Variants in AKAP7 observed in about 807,000 individuals in gnomAD.
AKAP7 encodes A-kinase anchoring protein 7.
In AKAP7, 39 loss-of-function variants were observed where a neutral mutation model predicts 39.5. The observed-to-expected ratio is 0.99, with a 90% CI of 0.76 to 1.29. The LOEUF (loss-of-function observed/expected upper bound fraction) is 1.29, where lower values mean the gene tolerates loss of function less well. Ranked by LOEUF, AKAP7 falls within the 50% of genes most tolerant of loss-of-function variation. The probability of loss-of-function intolerance (pLI) is 0.00; values close to 1 mark genes in which losing one functional copy is unlikely to be tolerated. For missense variants in AKAP7, 414 were observed against 407.7 expected, an observed-to-expected ratio of 1.02 and a Z score of -0.13; for synonymous variants, 140 against 139.1, an observed-to-expected ratio of 1.01 and a Z score of -0.05.
chr6:131,160,631 G>T (rs1802855097), intron 3 of AKAP7, among the ~76,000 whole-genome samples: 1 of 152,242 alleles, frequency 6.6e-6, no homozygotes, highest in South Asian at 2.1e-4. Flanking sequence ...TTTGGAAGTA[G>T]AGAGAAATGA....
At chr6:131,184,525 GATGC>G in intron 5 of AKAP7, 1 of 702,970 alleles carries the variant, frequency 1.4e-6, no homozygotes, top group Non-Finnish European at 2.6e-6. Context: ...ATTTGTGCTC[GATGC>G]ATTGCCAGCA....
chr6:131,237,123 T>A (rs1447978719), intron 7 of AKAP7, among the ~76,000 whole-genome samples: 2 of 152,212 alleles, frequency 1.3e-5, no homozygotes, highest in Admixed American at 6.5e-5. Flanking sequence ...GAAGGGTTGT[T>A]GAATTTTGTC....
intron 5 of AKAP7, chr6:131,184,984 C>T (rs1247061079): frequency 7.8e-6 from 6 of 766,846 alleles, no homozygotes; most frequent in Middle Eastern, 4.7e-4. Context: ...TCACAGTACT[C>T]ATCATCGAGG....
intron 5 of AKAP7, among the ~76,000 whole-genome samples, chr6:131,191,845 GTTT>G (rs34409067): frequency 7.4e-6 from 1 of 135,372 alleles, no homozygotes; most frequent in African/African-American, 2.7e-5. Context: ...TCCTCGTGGT[GTTT>G]TTTTTTTTTT....
chr6:131,233,059 A>G (rs1429558404), intron 7 of AKAP7, among the ~76,000 whole-genome samples: 2 of 152,076 alleles, frequency 1.3e-5, no homozygotes, highest in Non-Finnish European at 2.9e-5. Flanking sequence ...AATATTTTAT[A>G]TCATAGGTGA....
chr6:131,210,837 A>G (rs2128291094), intron 6 of AKAP7, among the ~76,000 whole-genome samples: 1 of 152,140 alleles, frequency 6.6e-6, no homozygotes, highest in African/African-American at 2.4e-5. Context: ...TACCCATTCC[A>G]TGTTTCACGA....
intron 7 of AKAP7, among the ~76,000 whole-genome samples, chr6:131,269,764 T>G (rs1400741919): frequency 6.6e-6 from 1 of 152,206 alleles, no homozygotes; most frequent in East Asian, 1.9e-4. Context: ...ACAATTTATT[T>G]GAGTCATATT....
At chr6:131,219,512 T>C in intron 6 of AKAP7, 149 bp from the exon 7 acceptor site, 1 of 617,014 alleles carries the variant, frequency 1.6e-6, no homozygotes. Context: ...TTCACAACAA[T>C]TTTATTGTTG....
At position 131,282,127 on chromosome 6, in the gene AKAP7, C is replaced by G. The variant is rs1815249510; in HGVS notation, c.*401C>G. 3 of 1,176,504 alleles carry G rather than the reference C, an allele frequency of 2.5e-6. No individual in the cohort carries two copies. The highest frequency in any genetic ancestry group is 6.6e-5 in the South Asian group (2 of 30,454). 72.9% of individuals were successfully genotyped at this position (1,176,504 alleles called of 1,614,324 possible). On this transcript the variant is annotated 3_prime_UTR_variant, in exon 8 of 8. Transcript: ENST00000431975. The stretch of plus-strand genomic sequence containing the variant: ...CTGAGGCCAGAACTCTCACACACAG[C>G]TATCAAGTGCTAAGTTTAAAATAAT...
At chr6:131,137,902 C>T (rs1429936868) in intron 1 of AKAP7, among the ~76,000 whole-genome samples, 1 of 152,198 alleles carries the variant, frequency 6.6e-6, no homozygotes, top group Non-Finnish European at 1.5e-5. Context: ...TAGCCTTTGG[C>T]CACATAATTG....
chr6:131,222,388 G>C (rs1034437393), intron 7 of AKAP7, among the ~76,000 whole-genome samples: 2 of 152,040 alleles, frequency 1.3e-5, no homozygotes, highest in Non-Finnish European at 2.9e-5. Context: ...CTAGCCGGGC[G>C]TGGTGGCGGG....
rs561265415 is a variant in AKAP7 at position 131,184,779 on chromosome 6, G to A, written c.590-14682G>A. The A allele has an allele frequency of 1.5e-5, 20 of 1,302,242 alleles. No individual in the cohort carries two copies. In the African/African-American group the frequency reaches 2.8e-4, roughly 18 times the overall value. The allele number at this position is 1,302,242 out of a possible 1,614,324, so 80.7% of individuals were successfully genotyped here. A position where few individuals can be genotyped will look rare whatever the true frequency, so the allele number is the denominator to read the frequency against. ...GAGTGGGTGGTTGGGAGTCTTCTTT[G>A]TCCTCGCCCTCCTCAGCCAAGTGAG... is the stretch of plus-strand genomic sequence containing the variant. On this transcript the variant is annotated intron_variant, in intron 5 of 7. Transcript: ENST00000431975.
chr6:131,194,710 G>A (rs1806749418), intron 5 of AKAP7, among the ~76,000 whole-genome samples: 1 of 151,936 alleles, frequency 6.6e-6, no homozygotes, highest in Non-Finnish European at 1.5e-5. Context: ...TGTATATCTG[G>A]GTACTCCAAT....
At chr6:131,232,983 C>A (rs974315164) in intron 7 of AKAP7, among the ~76,000 whole-genome samples, 2 of 150,624 alleles carry the variant, frequency 1.3e-5, no homozygotes, top group Non-Finnish European at 3.0e-5. Context: ...GGCGTGTGAT[C>A]AACACTGGTG....
At chr6:131,250,457 T>C in intron 7 of AKAP7, 1 of 1,577,910 alleles carries the variant, frequency 6.3e-7, no homozygotes. Flanking sequence ...CCTGTGCTGC[T>C]CCGTGGAGTG....
intron 5 of AKAP7, among the ~76,000 whole-genome samples, chr6:131,190,645 G>GAA (rs761012580): frequency 2.6e-4 from 34 of 130,328 alleles, no homozygotes; most frequent in Non-Finnish European, 5.1e-4. Context: ...ATTCTGTCTT[G>GAA]AAAAAAAAAA....
At chr6:131,223,912 C>G (rs1385293015) in intron 7 of AKAP7, among the ~76,000 whole-genome samples, 2 of 152,184 alleles carry the variant, frequency 1.3e-5, no homozygotes, top group African/African-American at 4.8e-5. Context: ...GCTTTCATTG[C>G]TCTTTTTCAG....
At chr6:131,242,848 G>A (rs1227171308) in intron 7 of AKAP7, among the ~76,000 whole-genome samples, 2 of 152,168 alleles carry the variant, frequency 1.3e-5, no homozygotes, top group South Asian at 2.1e-4. Context: ...ATGGGACATG[G>A]CTGCTTTCTA....
At chr6:131,239,232 G>A (rs1811326463) in intron 7 of AKAP7, among the ~76,000 whole-genome samples, 1 of 152,158 alleles carries the variant, frequency 6.6e-6, no homozygotes, top group Non-Finnish European at 1.5e-5. Flanking sequence ...GTTGAATATT[G>A]GCCCCCACTC....
Sources: allele counts gnomAD v4.1 joint callset (sites outside exome capture counted in the v4.1 genomes callset), GRCh38; gene constraint gnomAD v4.1.1; transcripts MANE v1.5; gene names NCBI Gene and HGNC (gene_info 2026-07-23, HGNC 2026-07-21).